The following ESRRG variants were observed in gnomAD, a reference collection of about 807,000 sequenced individuals.
ESRRG encodes the protein estrogen-related receptor gamma.
A neutral mutation model predicts 44.0 loss-of-function variants in ESRRG; 13 were observed. That is an observed-to-expected ratio of 0.30 (90% confidence interval 0.19 to 0.47). The LOEUF (loss-of-function observed/expected upper bound fraction) is 0.47, where lower values mean the gene tolerates loss of function less well. Among genes scored for constraint, ESRRG ranks in the 20% least tolerant of loss-of-function variants. The pLI is 1.00. For missense variants in ESRRG, 395 were observed against 580.6 expected, an observed-to-expected ratio of 0.68 and a Z score of 3.29; for synonymous variants, 215 against 214.6, an observed-to-expected ratio of 1.00 and a Z score of -0.02.
intron 1 of ESRRG, among the ~76,000 whole-genome samples, chr1:217,046,626 G>A (rs181135065): frequency 1.6e-3 from 238 of 152,288 alleles, no homozygotes; most frequent in African/African-American, 5.5e-3. Flanking sequence ...GCTCAGGCCT[G>A]TAATCCCAAC....
At chr1:217,083,814 A>G (rs1264323362) in intron 1 of ESRRG, among the ~76,000 whole-genome samples, 1 of 152,188 alleles carries the variant, frequency 6.6e-6, no homozygotes, top group Non-Finnish European at 1.5e-5. Flanking sequence ...CTCTCCACAC[A>G]TAATAACTTG....
chr1:216,882,141 T>C (rs2096457749), intron 2 of ESRRG, among the ~76,000 whole-genome samples: 1 of 152,132 alleles, frequency 6.6e-6, no homozygotes, highest in Non-Finnish European at 1.5e-5. Flanking sequence ...ATTTTACAGA[T>C]GATGTAGTTG....
At chr1:216,882,988 G>T (rs1001792013) in intron 2 of ESRRG, among the ~76,000 whole-genome samples, 1 of 151,668 alleles carries the variant, frequency 6.6e-6, no homozygotes, top group African/African-American at 2.4e-5. Context: ...GAAATCTACC[G>T]CTTTCCTTAT....
chr1:216,875,602 T>C (rs2096337659), intron 2 of ESRRG, among the ~76,000 whole-genome samples: 1 of 152,126 alleles, frequency 6.6e-6, no homozygotes. Flanking sequence ...CATTGCCATA[T>C]AGTATTCCTA....
intron 1 of ESRRG, among the ~76,000 whole-genome samples, chr1:217,125,554 C>A (rs2092878676): frequency 6.6e-6 from 1 of 152,144 alleles, no homozygotes; most frequent in Non-Finnish European, 1.5e-5. Context: ...TCCTCAAGTG[C>A]TTAACATAGT....
At chr1:216,854,353 C>CAAAAAAAAAAAAAAAAAAAA (rs57421256) in intron 2 of ESRRG, among the ~76,000 whole-genome samples, 2 of 67,100 alleles carry the variant, frequency 3.0e-5, no homozygotes, top group Non-Finnish European at 2.6e-5. Flanking sequence ...AAGACACCAT[C>CAAAAAAAAAAAAAAAAAAAA]AAAAAAAAAA....
chr1:216,555,920 A>T (rs1165499719), intron 5 of ESRRG, among the ~76,000 whole-genome samples: 2 of 152,122 alleles, frequency 1.3e-5, no homozygotes, highest in Non-Finnish European at 2.9e-5. Flanking sequence ...CAGGGGAAAA[A>T]GTGCGACCAG....
intron 2 of ESRRG, among the ~76,000 whole-genome samples, chr1:216,752,614 G>C (rs2152302162): frequency 6.6e-6 from 1 of 152,128 alleles, no homozygotes; most frequent in East Asian, 1.9e-4. Context: ...ACTAAAACTG[G>C]CCAAATCAAA....
intron 2 of ESRRG, among the ~76,000 whole-genome samples, chr1:216,900,061 T>C (rs1240192617): frequency 2.6e-5 from 4 of 152,238 alleles, no homozygotes; most frequent in Non-Finnish European, 5.9e-5. Context: ...TTGTCGTCTC[T>C]ATATGCTATC....
intron 1 of ESRRG, among the ~76,000 whole-genome samples, chr1:216,991,485 G>A (rs2075689567): frequency 6.6e-6 from 1 of 152,154 alleles, no homozygotes; most frequent in Non-Finnish European, 1.5e-5. Flanking sequence ...AGACGAACAA[G>A]ATAAAGTGTC....
chr1:216,773,769 G>C (rs2093478786), intron 2 of ESRRG, among the ~76,000 whole-genome samples: 1 of 152,054 alleles, frequency 6.6e-6, no homozygotes, highest in South Asian at 2.1e-4. Flanking sequence ...AAGATGAACA[G>C]TGGGGAGTAA....
At chr1:216,815,606 C>T (rs2095109606) in intron 2 of ESRRG, among the ~76,000 whole-genome samples, 1 of 152,138 alleles carries the variant, frequency 6.6e-6, no homozygotes, top group African/African-American at 2.4e-5. Flanking sequence ...CTTGGCTGCA[C>T]CTGGTAGCCC....
intron 2 of ESRRG, among the ~76,000 whole-genome samples, chr1:216,729,515 G>C (rs2088272265): frequency 6.6e-6 from 1 of 152,176 alleles, no homozygotes; most frequent in African/African-American, 2.4e-5. Flanking sequence ...GTGCAAGTAT[G>C]TTACATTATG....
chr1:217,015,090 A>T (rs1053531032), intron 1 of ESRRG, among the ~76,000 whole-genome samples: 6 of 152,282 alleles, frequency 3.9e-5, no homozygotes, highest in African/African-American at 1.4e-4. Flanking sequence ...ATGAACCCGA[A>T]TCCAATCATC....
intron 1 of ESRRG, among the ~76,000 whole-genome samples, chr1:217,008,132 C>T (rs925201659): frequency 1.6e-4 from 25 of 152,214 alleles, no homozygotes; most frequent in African/African-American, 5.5e-4. Context: ...ACATTAAAAT[C>T]TTCACCACTG....
chr1:217,083,123 A>G (rs980081947), intron 1 of ESRRG, among the ~76,000 whole-genome samples: 12 of 152,354 alleles, frequency 7.9e-5, no homozygotes, highest in Admixed American at 5.9e-4. Context: ...CTGATAATAC[A>G]CTATTTCACT....
intron 1 of ESRRG, among the ~76,000 whole-genome samples, chr1:216,991,631 TGGG>T (rs2075722311): frequency 2.7e-5 from 1 of 37,186 alleles, no homozygotes; most frequent in East Asian, 1.4e-3. Flanking sequence ...TGGGATGGGA[TGGG>T]ATGGGATGGG....
At chr1:216,574,030 G>A (rs1042642533) in intron 3 of ESRRG, among the ~76,000 whole-genome samples, 1 of 151,910 alleles carries the variant, frequency 6.6e-6, no homozygotes, top group African/African-American at 2.4e-5. Flanking sequence ...AACAATTTCT[G>A]TTTGGACTCC....
intron 2 of ESRRG, among the ~76,000 whole-genome samples, chr1:216,673,304 T>C (rs1214208706): frequency 1.3e-5 from 2 of 152,260 alleles, no homozygotes; most frequent in Non-Finnish European, 2.9e-5. Flanking sequence ...CTCTAATTAT[T>C]ACATTATACT....
Sources: gnomAD v4.1 joint callset for allele counts (sites outside exome capture counted in the v4.1 genomes callset) on GRCh38, gnomAD v4.1.1 for gene constraint, MANE v1.5 for transcripts, NCBI Gene and HGNC (gene_info 2026-07-23, HGNC 2026-07-21) for gene names.